Variants in ANXA4 observed in about 807,000 individuals in gnomAD.
The protein encoded by ANXA4 is 35-beta calcimedin.
ANXA4 carries 39 observed loss-of-function variants against 49.8 expected under a neutral mutation model. The ratio of observed to expected loss-of-function variants is 0.78; its 90% CI spans 0.61 to 1.02. ANXA4 has a LOEUF of 1.02. Among genes scored for constraint, ANXA4 ranks in the 50% least tolerant of loss-of-function variants. The pLI, the probability that ANXA4 is intolerant of heterozygous loss-of-function variation, is 0.00. For missense variants in ANXA4, 360 were observed against 410.1 expected, an observed-to-expected ratio of 0.88 and a Z score of 1.05; for synonymous variants, 134 against 152.5, an observed-to-expected ratio of 0.88 and a Z score of 0.89.
intron 1 of ANXA4, among the ~76,000 whole-genome samples, chr2:69,765,911 C>A (rs575978346): frequency 1.3e-5 from 2 of 152,142 alleles, no homozygotes; most frequent in South Asian, 4.1e-4. Flanking sequence ...TAATGCCAGT[C>A]CTATGGCTTC....
At chr2:69,771,094 CAAAAAAAAAAAAAAGAAAA>C (rs1180172324) in intron 1 of ANXA4, among the ~76,000 whole-genome samples, 2 of 42,412 alleles carry the variant, frequency 4.7e-5, no homozygotes, top group Non-Finnish European at 1.0e-4. Flanking sequence ...ACCCTGTCTC[CAAAAAAAAAAAAAAGAAAA>C]AAAAAAAAAA....
chr2:69,702,009 AT>A (rs1254668677), intron 2 of ANXA4, among the ~76,000 whole-genome samples: 3 of 151,648 alleles, frequency 2.0e-5, no homozygotes, highest in Non-Finnish European at 4.4e-5. Flanking sequence ...TTTACTTTTT[AT>A]TTTATTTATA....
intron 1 of ANXA4, among the ~76,000 whole-genome samples, chr2:69,772,574 C>T (rs1476575339): frequency 6.6e-6 from 1 of 152,168 alleles, no homozygotes. Flanking sequence ...TCTGCTCCCC[C>T]CATCCTTGTG....
chr2:69,700,684 C>T lies in ANXA4; in HGVS notation n.767-20090C>T, dbSNP rs183200807. Reference sequence around the variant, plus strand: ...TCAAACCACCTTTTCAAAATCTCTACGGAGTAGCGTGCTATATGGTATTAC... The same window carrying T: ...TCAAACCACCTTTTCAAAATCTCTATGGAGTAGCGTGCTATATGGTATTAC... On this transcript the variant is annotated intron_variant and non_coding_transcript_variant, in intron 2 of 3. Coordinates refer to the ANXA4 transcript ENST00000418066. Among the ~76,000 whole-genome samples the T allele has an allele frequency of 8.5e-5, 13 of 152,254 alleles. No individual in the cohort carries two copies. In the East Asian group the frequency reaches 1.2e-3, roughly 14 times the overall value.
intron 5 of ANXA4, among the ~76,000 whole-genome samples, 153 bp from the exon 6 acceptor site, chr2:69,807,753 G>A (rs1471572480): frequency 2.6e-5 from 4 of 152,168 alleles, no homozygotes; most frequent in East Asian, 1.9e-4. Flanking sequence ...TTTGGGTTTC[G>A]GGTGGGACAA....
At chr2:69,759,522 A>C (rs950085665) in intron 1 of ANXA4, among the ~76,000 whole-genome samples, 2 of 152,236 alleles carry the variant, frequency 1.3e-5, no homozygotes, top group Admixed American at 1.3e-4. Context: ...GCGTGGAAAG[A>C]TTCATTATTT....
chr2:69,675,441 A>G (rs1318009069), intron 2 of ANXA4, among the ~76,000 whole-genome samples: 1 of 152,256 alleles, frequency 6.6e-6, no homozygotes, highest in Non-Finnish European at 1.5e-5. Context: ...TTTATTTTAA[A>G]AGGATCTGTG....
intron 1 of ANXA4, among the ~76,000 whole-genome samples, chr2:69,777,504 C>T (rs987102781): frequency 1.1e-4 from 17 of 152,136 alleles, no homozygotes; most frequent in African/African-American, 4.1e-4. Context: ...CCTTATTGTT[C>T]TTATCGCTTA....
At chr2:69,676,590 A>C (rs1039965514) in intron 2 of ANXA4, among the ~76,000 whole-genome samples, 4 of 152,180 alleles carry the variant, frequency 2.6e-5, no homozygotes, top group African/African-American at 4.8e-5. Context: ...TTTAAAATAA[A>C]GTATAAATTA....
At position 69,819,176 on chromosome 2, in the gene ANXA4, C is replaced by A. The variant is rs1573318771; in HGVS notation, c.725-104C>A. On this transcript the variant is annotated intron_variant, in intron 10 of 12. Transcript: ENST00000394295. ...CTTGGCTAAAATTTCCCTGGCAAAG[C>A]AAATATTGATACCTTGTAGAAACAG... 42 of 810,366 alleles carry A rather than the reference C, an allele frequency of 5.2e-5. No individual in the cohort carries two copies. The South Asian group carries it at 7.5e-4, about 14-fold the overall frequency. 50.2% of individuals were successfully genotyped at this position (810,366 alleles called of 1,614,324 possible).
At chr2:69,724,969 C>T (rs1333547319) in intron 3 of ANXA4, among the ~76,000 whole-genome samples, 1 of 152,244 alleles carries the variant, frequency 6.6e-6, no homozygotes, top group Non-Finnish European at 1.5e-5. Flanking sequence ...CCTGCTCATC[C>T]TGTCAAGAAA....
At chr2:69,654,418 G>A (rs1232316875) in intron 2 of ANXA4, among the ~76,000 whole-genome samples, 1 of 152,130 alleles carries the variant, frequency 6.6e-6, no homozygotes, top group Non-Finnish European at 1.5e-5. Flanking sequence ...ATTGGGTGTG[G>A]GTTTGTCATA....
At chr2:69,746,212 A>G (rs1268413161) in intron 1 of ANXA4, among the ~76,000 whole-genome samples, 3 of 152,138 alleles carry the variant, frequency 2.0e-5, no homozygotes, top group African/African-American at 4.8e-5. Context: ...GGGTTTCACC[A>G]TGTTTGCCAG....
At chr2:69,695,300 AGACGAGTATAACCTTT>A (rs1678125769) in intron 2 of ANXA4, among the ~76,000 whole-genome samples, 1 of 152,222 alleles carries the variant, frequency 6.6e-6, no homozygotes, top group Non-Finnish European at 1.5e-5. Flanking sequence ...GCTGCATTGC[AGACGAGTATAACCTTT>A]GACTTTGTCC....
intron 2 of ANXA4, among the ~76,000 whole-genome samples, chr2:69,691,810 A>G (rs12620484): frequency 0.62 from 94,659 of 152,036 alleles, 30,438 homozygotes; most frequent in East Asian, 0.82. Context: ...TAGCCATTAT[A>G]GCTGGGTTTC....
intron 1 of ANXA4, among the ~76,000 whole-genome samples, chr2:69,756,378 T>C (rs142722798): frequency 1.4e-3 from 218 of 152,326 alleles, no homozygotes; most frequent in African/African-American, 4.9e-3. Flanking sequence ...CATGGGTGCC[T>C]TTCCTCAACT....
At chr2:69,764,086 T>A (rs1313955458) in intron 1 of ANXA4, among the ~76,000 whole-genome samples, 1 of 152,204 alleles carries the variant, frequency 6.6e-6, no homozygotes, top group Non-Finnish European at 1.5e-5. Context: ...GCCTGTAGTT[T>A]GTAACCCATA....
At chr2:69,802,259 T>G (rs1368467363) in intron 3 of ANXA4, among the ~76,000 whole-genome samples, 3 of 152,214 alleles carry the variant, frequency 2.0e-5, no homozygotes, top group Non-Finnish European at 4.4e-5. Flanking sequence ...AGAATACTAG[T>G]TAGCAGACAT....
chr2:69,710,916 A>G (rs977421969), intron 2 of ANXA4, among the ~76,000 whole-genome samples: 3 of 152,226 alleles, frequency 2.0e-5, no homozygotes, highest in African/African-American at 7.2e-5. Context: ...GTTAAACTAC[A>G]CTTACTATAC....
Sources: allele counts gnomAD v4.1 joint callset (sites outside exome capture counted in the v4.1 genomes callset), GRCh38; gene constraint gnomAD v4.1.1; transcripts MANE v1.5; gene names NCBI Gene and HGNC (gene_info 2026-07-23, HGNC 2026-07-21).